MALRD1: variants seen among roughly 807,000 people sequenced by gnomAD.
The protein encoded by MALRD1 is MAM and LDL receptor class A domain containing 1, also known as MAM and LDL-receptor class A domain-containing protein 1.
Under a neutral mutation model 242.1 loss-of-function variants are expected in MALRD1, and 247 were observed. That is an observed-to-expected ratio of 1.02 (90% confidence interval 0.92 to 1.13). MALRD1 has a LOEUF of 1.13. MALRD1 is among the 50% of genes most tolerant of loss of function. MALRD1 has a pLI of 0.00. For synonymous variants in MALRD1, 995 were observed against 866.6 expected, an observed-to-expected ratio of 1.15 and a Z score of -2.60; for missense variants, 2,989 against 2,533.1, an observed-to-expected ratio of 1.18 and a Z score of -3.86.
At chr10:19,495,300 C>A (rs997444101) in intron 30 of MALRD1, among the ~76,000 whole-genome samples, 11 of 151,394 alleles carry the variant, frequency 7.3e-5, no homozygotes, top group Admixed American at 6.6e-4. Context: ...TTCCCAAGGT[C>A]AAAATGAAAG....
At chr10:19,177,060 T>C (rs1457812580) in intron 14 of MALRD1, among the ~76,000 whole-genome samples, 1 of 151,954 alleles carries the variant, frequency 6.6e-6, no homozygotes, top group African/African-American at 2.4e-5. Flanking sequence ...GCGGATCAGT[T>C]GAGGTCAGGA....
At chr10:19,429,936 CTTTCAGAATATGGCCAA>C (rs1467804150) in intron 28 of MALRD1, among the ~76,000 whole-genome samples, 1 of 152,048 alleles carries the variant, frequency 6.6e-6, no homozygotes. Flanking sequence ...GTCATAGACG[CTTTCAGAATATGGCCAA>C]TGTACCCAGT....
intron 30 of MALRD1, 36 bp downstream of exon 30, chr10:19,491,681 A>G: frequency 6.5e-7 from 1 of 1,537,260 alleles, no homozygotes; most frequent in Non-Finnish European, 8.8e-7. Context: ...CAGCCAGTTC[A>G]GCAGATATTT....
At chr10:19,174,170 C>T (rs1027470736) in intron 13 of MALRD1, among the ~76,000 whole-genome samples, 1 of 152,014 alleles carries the variant, frequency 6.6e-6, no homozygotes, top group Non-Finnish European at 1.5e-5. Flanking sequence ...CTTTATGGGC[C>T]TCTCTGTGTA....
In MALRD1 at chr10:19,124,652, C is replaced by T; in HGVS notation, c.925C>T (p.Gln309Ter). Residue 309 changes from glutamine to a stop codon, truncating the protein, a stop_gained, in exon 7 of 40, where the codon CAA becomes TAA. Coordinates refer to ENST00000454679, the MANE Select transcript of MALRD1 (RefSeq NM_001142308.3). LOFTEE classifies it high-confidence loss of function. Reference sequence around the variant, plus strand: ...ATTCGAATCCACACCTCAGCAGGATCAAGGAGGTGATGATGAAGGTAGAAA... The same window carrying T: ...ATTCGAATCCACACCTCAGCAGGATTAAGGAGGTGATGATGAAGGTAGAAA... The part of the protein sequence containing the change: ...PAFESTPQQD[Q>*]GGDDEGYYVW... 2 of 1,233,396 alleles carry T rather than the reference C, an allele frequency of 1.6e-6. No individual in the cohort carries two copies. Among genetic ancestry groups the T allele is most frequent in the Non-Finnish European group, 2.0e-6 (2 of 988,052 alleles). 76.4% of individuals were successfully genotyped at this position (1,233,396 alleles called of 1,614,324 possible). A position where few individuals can be genotyped will look rare whatever the true frequency, so the allele number is the denominator to read the frequency against.
intron 5 of MALRD1, among the ~76,000 whole-genome samples, chr10:19,106,597 G>T (rs66744955): frequency 0.065 from 9,764 of 151,144 alleles, 469 homozygotes; most frequent in East Asian, 0.28. Context: ...TTGCTTTGTT[G>T]TCTTTGGTAT....
At chr10:19,578,974 T>G (rs977889952) in intron 33 of MALRD1, among the ~76,000 whole-genome samples, 3 of 152,120 alleles carry the variant, frequency 2.0e-5, no homozygotes, top group African/African-American at 7.2e-5. Context: ...CTAATCACAT[T>G]TAGTTGTTTC....
chr10:19,521,545 G>A (rs1450146850), intron 31 of MALRD1, among the ~76,000 whole-genome samples: 1 of 151,930 alleles, frequency 6.6e-6, no homozygotes, highest in Non-Finnish European at 1.5e-5. Context: ...TCTGTCTTCT[G>A]CAAAATATTA....
At chr10:19,454,337 C>A (rs2131059856) in intron 29 of MALRD1, among the ~76,000 whole-genome samples, 1 of 143,218 alleles carries the variant, frequency 7.0e-6, no homozygotes, top group Non-Finnish European at 1.5e-5. Flanking sequence ...ACAGATATTC[C>A]CTGGAAAATG....
chr10:19,451,367 G>A (rs10827461), intron 29 of MALRD1, among the ~76,000 whole-genome samples: 33,036 of 151,740 alleles, frequency 0.22, 3,855 homozygotes, highest in Middle Eastern at 0.31. Context: ...AAAAAGTACC[G>A]CCATTTATCA....
chr10:19,465,640 C>A (rs1476534786), intron 29 of MALRD1, among the ~76,000 whole-genome samples: 1 of 152,128 alleles, frequency 6.6e-6, no homozygotes, highest in African/African-American at 2.4e-5. Context: ...CAGCAATCCT[C>A]CCACCTCAGC....
At position 19,586,657 on chromosome 10, in the gene MALRD1, C is replaced by T. The variant is rs183169762; in HGVS notation, c.5681-8537C>T. On this transcript the variant is annotated intron_variant, in intron 33 of 39. Transcript: ENST00000454679. ...TGTCAGACAGGGACATTTAAGTTTG[C>T]AGAGGTTACTGCTGTCTTTTTGTTT... is the stretch of plus-strand genomic sequence containing the variant. 2.4e-3 allele frequency among the ~76,000 whole-genome samples: 361 copies of T among 152,306 alleles called. 2 individuals are homozygous for T. The highest frequency in any genetic ancestry group is 4.1e-3 in the Admixed American group (62 of 15,306).
intron 38 of MALRD1, chr10:19,721,826 G>A (rs1834770938): frequency 6.6e-6 from 1 of 152,280 alleles, no homozygotes; most frequent in Non-Finnish European, 1.5e-5. Context: ...AAGCGGCTCT[G>A]GGCTGCCACT....
At chr10:19,122,098 G>A (rs1837086298) in intron 5 of MALRD1, among the ~76,000 whole-genome samples, 1 of 152,176 alleles carries the variant, frequency 6.6e-6, no homozygotes, top group Admixed American at 6.5e-5. Flanking sequence ...TTTTTGCCAT[G>A]AGAGTATGGA....
intron 18 of MALRD1, among the ~76,000 whole-genome samples, chr10:19,235,567 ACCCACACCC>A (rs1838275099): frequency 7.8e-6 from 1 of 128,790 alleles, no homozygotes; most frequent in Non-Finnish European, 1.6e-5. Flanking sequence ...ACACACCCAC[ACCCACACCC>A]ACAGAGAGAG....
Position 19,719,242 on chromosome 10 carries a change from A to ATATG in MALRD1, c.6315-11461_6315-11460insGTAT, listed in dbSNP as rs1564567520. ...TACATACATATATATATATATATAT[A>ATATG]TATATATATATATATATGCTATCAA... On this transcript the variant is annotated intron_variant, in intron 38 of 39. Transcript: ENST00000454679. Among the ~76,000 whole-genome samples, 26 of 119,736 alleles carry ATATG rather than the reference A, an allele frequency of 2.2e-4. 1 individual carries two copies. The highest frequency in any genetic ancestry group is 6.8e-4 in the African/African-American group (23 of 33,586). The allele number at this position is 119,736 out of a possible 152,430, so 78.6% of individuals were successfully genotyped here. A position where few individuals can be genotyped will look rare whatever the true frequency, so the allele number is the denominator to read the frequency against.
chr10:19,223,682 T>G (rs1016095131), intron 18 of MALRD1, among the ~76,000 whole-genome samples: 2 of 152,186 alleles, frequency 1.3e-5, no homozygotes, highest in Non-Finnish European at 2.9e-5. Context: ...TTTCTCCTAA[T>G]GCTATCCCTC....
At chr10:19,299,249 G>A (rs1841840050) in intron 21 of MALRD1, among the ~76,000 whole-genome samples, 2 of 151,812 alleles carry the variant, frequency 1.3e-5, no homozygotes, top group Admixed American at 1.3e-4. Flanking sequence ...GTATAAGGGG[G>A]CGCTTCACAT....
chr10:19,715,972 T>C (rs1246064723), intron 38 of MALRD1, among the ~76,000 whole-genome samples: 1 of 151,156 alleles, frequency 6.6e-6, no homozygotes, highest in Non-Finnish European at 1.5e-5. Context: ...CTTTCCAACA[T>C]TGGAGGTCAC....
Sources: gnomAD v4.1 joint callset for allele counts (sites outside exome capture counted in the v4.1 genomes callset) on GRCh38, gnomAD v4.1.1 for gene constraint, MANE v1.5 for transcripts, NCBI Gene and HGNC (gene_info 2026-07-23, HGNC 2026-07-21) for gene names.